The following PEX5 variants were observed in gnomAD, a reference collection of about 807,000 sequenced individuals.
The protein encoded by PEX5 is PTS1 receptor.
Under a neutral mutation model 82.9 loss-of-function variants are expected in PEX5, and 52 were observed. The ratio of observed to expected loss-of-function variants is 0.63; its 90% CI spans 0.50 to 0.79. The LOEUF (loss-of-function observed/expected upper bound fraction) is 0.79. Ranked by LOEUF, PEX5 falls within the 30% of genes least tolerant of loss-of-function variation. The pLI is 0.00. For synonymous variants in PEX5, 300 were observed against 318.8 expected, an observed-to-expected ratio of 0.94 and a Z score of 0.63; for missense variants, 719 against 815.2, an observed-to-expected ratio of 0.88 and a Z score of 1.44.
downstream of PEX5, among the ~76,000 whole-genome samples, chr12:7,214,663 A>C (rs1398919445): frequency 1.3e-5 from 2 of 151,262 alleles, no homozygotes; most frequent in African/African-American, 4.9e-5. Flanking sequence ...ACATGTATAC[A>C]TATGTAACTA....
intron 6 of PEX5, among the ~76,000 whole-genome samples, chr12:7,201,256 T>C (rs1943949018): frequency 6.8e-6 from 1 of 146,890 alleles, no homozygotes; most frequent in Admixed American, 7.0e-5. Context: ...TGTAGATACA[T>C]GCGTACACAT....
intron 5 of PEX5, among the ~76,000 whole-genome samples, chr12:7,197,483 A>AATAATTATATATGTTATATATAATG (rs1942934911): frequency 1.0e-5 from 1 of 99,008 alleles, no homozygotes; most frequent in South Asian, 3.7e-4. Flanking sequence ...TATATATAAT[A>AATAATTATATATGTTATATATAATG]TAATAATTAT....
At chr12:7,201,454 C>T (rs1302452021) in intron 6 of PEX5, among the ~76,000 whole-genome samples, 1 of 152,128 alleles carries the variant, frequency 6.6e-6, no homozygotes, top group African/African-American at 2.4e-5. Context: ...ATATGACGTT[C>T]ATAACTTCAT....
chr12:7,199,209 C>T (rs868846238), intron 6 of PEX5, 96 bp downstream of exon 6: 219 of 396,646 alleles, frequency 5.5e-4, no homozygotes, highest in Middle Eastern at 3.2e-3. Flanking sequence ...TTACTTTATT[C>T]TTTTTTTTTT....
chr12:7,208,167 GTCT>G, intron 12 of PEX5, 87 bp downstream of exon 12: 5 of 1,013,480 alleles, frequency 4.9e-6, no homozygotes, highest in Non-Finnish European at 7.8e-6. Flanking sequence ...CTGGATCCTT[GTCT>G]TCTTTCTGAG....
At position 7,210,093 on chromosome 12, in the gene PEX5, G is replaced by A. The variant is rs772805558; in HGVS notation, c.1790G>A (p.Gly597Asp). 19 of 1,614,134 alleles carry A rather than the reference G, an allele frequency of 1.2e-5. No homozygotes were observed. The Admixed American group carries it at 3.0e-4, about 25-fold the overall frequency. Residue 597 changes from glycine to aspartate, a missense_variant, in exon 16 of 16, where the codon GGT becomes GAT. Coordinates refer to ENST00000675855, the MANE Select transcript of PEX5 (RefSeq NM_001351132.2). ...RKSRGPRGEGGAMSENIWSTL... is the reference protein window; with the variant it reads ...RKSRGPRGEGDAMSENIWSTL... ...AGCCGGGGCCCCCGGGGTGAAGGAG[G>A]TGCCATGTCGGAGAACATCTGGAGC...
chr12:7,214,164 G>C (rs896609581), downstream of PEX5, among the ~76,000 whole-genome samples: 3 of 152,186 alleles, frequency 2.0e-5, no homozygotes, highest in Admixed American at 6.5e-5. Context: ...AGTCAGTGTG[G>C]TGATTCCTCA....
chr12:7,211,846 C>A (rs4329748), downstream of PEX5, among the ~76,000 whole-genome samples: 1 of 151,772 alleles, frequency 6.6e-6, no homozygotes, highest in Non-Finnish European at 1.5e-5. Flanking sequence ...GGAACTGTAT[C>A]AAGTGCCATA....
rs758345066 is a variant in PEX5 at position 7,191,250 on chromosome 12, C to A, written c.208C>A (p.Gln70Lys). The A allele has an allele frequency of 6.2e-7, 1 of 1,614,126 alleles. No homozygotes were observed. Among genetic ancestry groups the A allele is most frequent in the South Asian group, 1.1e-5 (1 of 91,086 alleles). ...GTTGGTGGCTGAATTCCTGCAGGAC[C>A]AGAATGCACCCCTTGTGTCCCGTGC... ...DELVAEFLQD[Q>K]NAPLVSRAPQ... Residue 70 changes from glutamine to lysine, a missense_variant, in exon 4 of 16, where the codon CAG becomes AAG. By Grantham distance (53) the Gln-to-Lys change is moderately conservative. Coordinates refer to ENST00000675855, the MANE Select transcript of PEX5 (RefSeq NM_001351132.2).
chr12:7,218,100 A>T (rs909619330), intron 17 of PEX5, among the ~76,000 whole-genome samples: 1 of 152,106 alleles, frequency 6.6e-6, no homozygotes, highest in African/African-American at 2.4e-5. Context: ...TGATGGGGAG[A>T]TGGAGAGAGA....
rs1277303219 is a variant in PEX5, at chr12:7,190,439, C to G, written c.62C>G (p.Ala21Gly). The change falls in exon 2 of 16, where the codon GCC (alanine) becomes GGC (glycine). Residue 21 changes from alanine (A) to glycine (G), a missense_variant. Transcript: ENST00000675855. Reference sequence around the variant, plus strand: ...GGTGCCAACCCGCTCATGAAGCTCGCCGGGCACTTCACCCAGGACAAGGCC... The same window carrying G: ...GGTGCCAACCCGCTCATGAAGCTCGGCGGGCACTTCACCCAGGACAAGGCC... ...CGGANPLMKL[A>G]GHFTQDKALR... 1.2e-6 allele frequency: 2 copies of G among 1,614,216 alleles called. No homozygotes were observed. Among genetic ancestry groups the G allele is most frequent in the East Asian group, 2.2e-5 (1 of 44,878 alleles).
At chr12:7,208,303 A>C (rs1945072998) in intron 12 of PEX5, among the ~76,000 whole-genome samples, 154 bp from the exon 13 acceptor site, 1 of 152,016 alleles carries the variant, frequency 6.6e-6, no homozygotes, top group Non-Finnish European at 1.5e-5. Context: ...CCTTCCCCTT[A>C]GATCTGTAAC....
Position 7,201,744 on chromosome 12 carries a change from G to C in PEX5, c.552-7G>C, listed in dbSNP as rs189631769. 3 of 1,607,286 alleles carry C rather than the reference G, an allele frequency of 1.9e-6. No homozygotes were observed. In the South Asian group the frequency reaches 3.3e-5, roughly 18 times the overall value. On this transcript the variant is annotated splice_polypyrimidine_tract_variant and splice_region_variant and intron_variant, in intron 6 of 15. Coordinates refer to ENST00000675855, the MANE Select transcript of PEX5 (RefSeq NM_001351132.2). ...TAATGTGTAAAATTAGTTCTTACCC[G>C]TTCCAGGTATGATGAATATCATCCT...
rs886049827 is a variant in PEX5 at position 7,210,224 on chromosome 12, C to G, written c.*1C>G. The G allele has an allele frequency of 6.2e-7, 1 of 1,613,806 alleles. No homozygotes were observed. Among genetic ancestry groups the G allele is most frequent in the Non-Finnish European group, 8.5e-7 (1 of 1,179,886 alleles). ...AACTATGTTTGGCCTGCCCCAGTGA[C>G]AGTGGGACGGGCTGCCCTGTGAGTG... On this transcript the variant is annotated 3_prime_UTR_variant, in exon 16 of 16. Transcript: ENST00000675855.
At position 7,210,255 on chromosome 12, in the gene PEX5, C is replaced by T; in HGVS notation, c.*32C>T. On this transcript the variant is annotated 3_prime_UTR_variant, in exon 16 of 16. Transcript: ENST00000675855. ...GACGGGCTGCCCTGTGAGTGTCCAC[C>T]TGGAGGGATCCCCGCTTTGGATGTG... 6.3e-7 allele frequency: 1 copy of T among 1,595,512 alleles called. No individual in the cohort carries two copies. The highest frequency in any genetic ancestry group is 1.1e-5 in the South Asian group (1 of 90,756).
intron 6 of PEX5, among the ~76,000 whole-genome samples, chr12:7,199,458 C>T (rs1034005102): frequency 6.7e-5 from 10 of 149,944 alleles, no homozygotes; most frequent in African/African-American, 2.0e-4. Context: ...CATCTTGCAC[C>T]GCCCTTAATC....
downstream of PEX5, among the ~76,000 whole-genome samples, chr12:7,213,053 ACCAGTG>A (rs1439030656): frequency 6.6e-6 from 1 of 152,098 alleles, no homozygotes; most frequent in Admixed American, 6.5e-5. Context: ...AGAACTACAA[ACCAGTG>A]CTCAAGGAAA....
chr12:7,208,874 T>G, intron 13 of PEX5, 131 bp from the exon 14 acceptor site: 5 of 976,690 alleles, frequency 5.1e-6, no homozygotes, highest in Non-Finnish European at 8.2e-6. Context: ...TATTGGACTT[T>G]GAGAGTAGAA....
At chr12:7,191,024 A>G in intron 3 of PEX5, 101 bp downstream of exon 3, 1 of 1,261,010 alleles carries the variant, frequency 7.9e-7, no homozygotes, top group South Asian at 1.2e-5. Flanking sequence ...GGCTTTCCTG[A>G]CCGAATGAGA....
Sources: gnomAD v4.1 joint callset for allele counts (sites outside exome capture counted in the v4.1 genomes callset) on GRCh38, gnomAD v4.1.1 for gene constraint, MANE v1.5 for transcripts, NCBI Gene and HGNC (gene_info 2026-07-23, HGNC 2026-07-21) for gene names.